Variants in HECTD4 observed in about 807,000 individuals in gnomAD.
HECTD4 encodes HECT domain E3 ubiquitin protein ligase 4.
HECTD4 carries 114 observed loss-of-function variants against 471.5 expected under a neutral mutation model. The observed-to-expected ratio is 0.24, with a 90% CI of 0.21 to 0.28. HECTD4 has a LOEUF of 0.28. Among genes scored for constraint, HECTD4 ranks in the 10% least tolerant of loss-of-function variants. The pLI is 1.00. For missense variants in HECTD4, 3,866 were observed against 5,651.5 expected (o/e 0.68, Z 10.13); for synonymous variants, 2,012 against 2,256.0 (o/e 0.89, Z 3.07).
intron 17 of HECTD4, among the ~76,000 whole-genome samples, chr12:112,262,431 G>A (rs1168461380): frequency 2.3e-5 from 3 of 129,822 alleles, no homozygotes; most frequent in Non-Finnish European, 4.7e-5. Context: ...CAGGAGAATC[G>A]TTTGAACTCA....
chr12:112,208,703 G>T, intron 50 of HECTD4, 73 bp from the exon 51 acceptor site: 1 of 1,349,062 alleles, frequency 7.4e-7, no homozygotes. Flanking sequence ...CTCACCCTTA[G>T]ACAAACCAGA....
At chr12:112,255,664 T>C (rs967795229) in intron 21 of HECTD4, among the ~76,000 whole-genome samples, 6 of 152,134 alleles carry the variant, frequency 3.9e-5, no homozygotes, top group African/African-American at 1.4e-4. Flanking sequence ...CACGAAGCTA[T>C]TAGATAATCC....
chr12:112,260,475 A>T (rs1377054569), intron 18 of HECTD4, among the ~76,000 whole-genome samples: 1 of 152,212 alleles, frequency 6.6e-6, no homozygotes, highest in Non-Finnish European at 1.5e-5. Flanking sequence ...AGGGTTACGG[A>T]AGCAAAAATT....
chr12:112,217,271 T>A (rs1317614461), intron 45 of HECTD4, 76 bp from the exon 46 acceptor site: 3 of 1,245,798 alleles, frequency 2.4e-6, no homozygotes, highest in Admixed American at 6.5e-5. Context: ...AAGAAAAAAA[T>A]TTTATCTGAT....
intron 7 of HECTD4, among the ~76,000 whole-genome samples, chr12:112,292,478 T>C (rs1412245204): frequency 6.6e-6 from 1 of 152,214 alleles, no homozygotes; most frequent in Non-Finnish European, 1.5e-5. Context: ...TCCACAAGAA[T>C]GTAAGCTCCA....
chr12:112,247,323 T>C (rs1411203432), intron 28 of HECTD4, 139 bp downstream of exon 28: 1 of 674,576 alleles, frequency 1.5e-6, no homozygotes, highest in Non-Finnish European at 2.4e-6. Flanking sequence ...AAATTTCCAA[T>C]TTACCAAATG....
rs757041224 is a variant in HECTD4, at chr12:112,160,532, G to C, written c.*1855C>G. The C allele has an allele frequency of 6.6e-6, 1 of 152,172 alleles. No individual in the cohort carries two copies. The allele number at this position is 152,172 out of a possible 1,614,324, so 9.4% of individuals were successfully genotyped here. ...ACCTCAATGTGCTCTCGGAGAAGCA[G>C]CCACGTTAGCAGCAGATACCTTACA... On this transcript the variant is annotated 3_prime_UTR_variant, in exon 76 of 76. Coordinates refer to ENST00000682272, the MANE Select transcript of HECTD4 (RefSeq NM_001388303.1).
intron 7 of HECTD4, chr12:112,302,324 G>T: frequency 1.3e-6 from 1 of 757,914 alleles, no homozygotes; most frequent in South Asian, 1.4e-5. Flanking sequence ...CTCAGCCTGG[G>T]CCAACAGCCT....
chr12:112,288,375 C>T (rs1332734433), intron 7 of HECTD4, among the ~76,000 whole-genome samples: 2 of 151,082 alleles, frequency 1.3e-5, no homozygotes, highest in South Asian at 4.2e-4. Context: ...GTAATCCCAG[C>T]ACTTTGGGAG....
Position 112,178,933 on chromosome 12 carries a change from G to A in HECTD4, c.11361C>T (p.Val3787=). 1 of 1,608,560 alleles carries A rather than the reference G, an allele frequency of 6.2e-7. No homozygotes were observed. The highest frequency in any genetic ancestry group is 8.5e-7 in the Non-Finnish European group (1 of 1,177,388). Residue 3787 remains valine (V), a splice_region_variant and synonymous_variant, in exon 64 of 76, where the codon GTC becomes GTT. Transcript: ENST00000682272. Reference sequence around the variant, plus strand: ...CCCAGGCTCCTTGGGGCACGCACCTGACGCTGTTGAGCACAGCCTTGTCCT... The same window carrying A: ...CCCAGGCTCCTTGGGGCACGCACCTAACGCTGTTGAGCACAGCCTTGTCCT... The part of the protein sequence containing the change: ...PAKDKAVLNS[V]SRTALSEKKP...
chr12:112,261,345 T>A lies in HECTD4; in HGVS notation c.2833A>T (p.Thr945Ser), dbSNP rs1467610046. The stretch of plus-strand genomic sequence containing the variant: ...GCTATGTCACTATTTATGAGGGCAG[T>A]TGTGACCTGCTGTAGCATTTCCAAC... ...EVLEMLQQVT[T>S]ALINSDIADR... Residue 945 changes from threonine to serine, a missense_variant, in exon 18 of 76, where the codon ACT becomes TCT. Coordinates refer to ENST00000682272, the MANE Select transcript of HECTD4 (RefSeq NM_001388303.1). 1 of 1,611,354 alleles carries A rather than the reference T, an allele frequency of 6.2e-7. No homozygotes were observed. Among genetic ancestry groups the A allele is most frequent in the Non-Finnish European group, 8.5e-7 (1 of 1,177,646 alleles).
intron 1 of HECTD4, among the ~76,000 whole-genome samples, chr12:112,334,124 G>A (rs1268491183): frequency 1.3e-5 from 2 of 151,756 alleles, no homozygotes; most frequent in African/African-American, 4.8e-5. Flanking sequence ...CAGGAGAATC[G>A]CTTGAATCCT....
chr12:112,230,286 A>G (rs2135565696), intron 40 of HECTD4, among the ~76,000 whole-genome samples: 1 of 152,318 alleles, frequency 6.6e-6, no homozygotes, highest in African/African-American at 2.4e-5. Flanking sequence ...TACTGTTTGT[A>G]ATGATGAATC....
intron 29 of HECTD4, 84 bp from the exon 30 acceptor site, chr12:112,244,093 A>G: frequency 1.4e-6 from 2 of 1,394,266 alleles, no homozygotes; most frequent in African/African-American, 2.9e-5. Context: ...CAACAGTCTA[A>G]GTGTATCTTT....
intron 67 of HECTD4, 148 bp from the exon 68 acceptor site, chr12:112,171,411 C>T: frequency 7.7e-7 from 1 of 1,290,742 alleles, no homozygotes; most frequent in Non-Finnish European, 1.1e-6. Flanking sequence ...GAGTGAGCGG[C>T]CCCCAATGTG....
Position 112,167,512 on chromosome 12 carries a change from G to A in HECTD4, c.12339C>T (p.Pro4113=). The A allele has an allele frequency of 1.9e-6, 3 of 1,603,888 alleles. No homozygotes were observed. Among genetic ancestry groups the A allele is most frequent in the South Asian group, 1.1e-5 (1 of 90,084 alleles). Residue 4113 remains proline (P), a synonymous_variant, in exon 72 of 76, where the codon CCC becomes CCT. Coordinates refer to ENST00000682272, the MANE Select transcript of HECTD4 (RefSeq NM_001388303.1). The part of the protein sequence containing the change: ...NKGKYILTPS[P]ITYGEEQLLH... ...GCAGCTGCTCCTCCCCGTAGGTGAT[G>A]GGGCTCGGGGTCAGGATATACTTGC...
At chr12:112,335,143 T>TACACACACAGACACACAC (rs1555259309) in intron 1 of HECTD4, among the ~76,000 whole-genome samples, 5 of 146,812 alleles carry the variant, frequency 3.4e-5, no homozygotes, top group Admixed American at 2.7e-4. Flanking sequence ...GAAACTGTGA[T>TACACACACAGACACACAC]ACACACACAC....
In HECTD4 at chr12:112,163,982, CTGG is replaced by C. The variant is rs2030817601; in HGVS notation, c.12701+124_12701+126del. On this transcript the variant is annotated intron_variant, in intron 73 of 75. Coordinates refer to ENST00000682272, the MANE Select transcript of HECTD4 (RefSeq NM_001388303.1). The surrounding 1 kb of genome is among the most constrained non-coding windows in gnomAD (Gnocchi z 8.2). ...CACCATCCTGCCTCATCTCCCTCTC[CTGG>C]TGAAATCCACCTGTCACCTGACCTA... is the stretch of plus-strand genomic sequence containing the variant. 1.9e-6 allele frequency: 2 copies of C among 1,061,272 alleles called. No homozygotes were observed. Among genetic ancestry groups the C allele is most frequent in the East Asian group, 2.9e-5 (1 of 34,132 alleles). 65.7% of individuals were successfully genotyped at this position (1,061,272 alleles called of 1,614,324 possible). A position where few individuals can be genotyped will look rare whatever the true frequency, so the allele number is the denominator to read the frequency against.
intron 8 of HECTD4, among the ~76,000 whole-genome samples, chr12:112,281,273 T>TA (rs1555255102): frequency 2.5e-4 from 37 of 147,318 alleles, no homozygotes; most frequent in Middle Eastern, 3.5e-3. Context: ...ATGTTTTTTT[T>TA]AAAAAAAAAA....
Sources: gnomAD v4.1 joint callset for allele counts (sites outside exome capture counted in the v4.1 genomes callset) on GRCh38, gnomAD v4.1.1 for gene constraint, Gnocchi (gnomAD v3.1) non-coding constraint, MANE v1.5 for transcripts, NCBI Gene and HGNC (gene_info 2026-07-23, HGNC 2026-07-21) for gene names.